DIAPH1: variants seen among roughly 807,000 people sequenced by gnomAD.
The protein encoded by DIAPH1 is protein diaphanous homolog 1.
DIAPH1 carries 46 observed loss-of-function variants against 140.7 expected under a neutral mutation model. The observed-to-expected ratio is 0.33, with a 90% CI of 0.26 to 0.42. The LOEUF (loss-of-function observed/expected upper bound fraction) is 0.42. Ranked by LOEUF, DIAPH1 falls within the 10% of genes least tolerant of loss-of-function variation. The pLI is 1.00. For synonymous variants in DIAPH1, 565 were observed against 551.6 expected, an observed-to-expected ratio of 1.02 and a Z score of -0.34; for missense variants, 1,310 against 1,558.7, an observed-to-expected ratio of 0.84 and a Z score of 2.69.
chr5:141,518,413 G>A (rs981653283), intron 27 of DIAPH1, among the ~76,000 whole-genome samples: 4 of 151,504 alleles, frequency 2.6e-5, no homozygotes, highest in Non-Finnish European at 2.9e-5. Flanking sequence ...TGAAAGAGCC[G>A]AGCACTCCTA....
rs780379887 is a variant in DIAPH1 at position 141,579,162 on chromosome 5, C to T, written c.859G>A (p.Ala287Thr). The change falls in exon 9 of 28, where the codon GCT becomes ACT. Residue 287 changes from alanine to threonine, a missense_variant. By Grantham distance (58) the Ala-to-Thr change is moderately conservative. This residue lies in a region of DIAPH1 where 377 missense variants were observed against 497.1 expected (regional missense o/e 0.76). Transcript: ENST00000389054. ...AAACGTTCCACTTCATCCATCTCAG[C>T]TCTTTCTGTCATTGCCTCCAAAACC... ...ERVLEAMTER[A>T]EMDEVERFQP... The T allele has an allele frequency of 1.9e-6, 3 of 1,614,180 alleles. No individual in the cohort carries two copies. Among genetic ancestry groups the T allele is most frequent in the Middle Eastern group, 1.7e-4 (1 of 6,060 alleles).
chr5:141,579,079 T>C lies in DIAPH1; in HGVS notation c.933+9A>G, dbSNP rs564693939. 5 of 1,602,630 alleles carry C rather than the reference T, an allele frequency of 3.1e-6. No homozygotes were observed. In the African/African-American group the frequency reaches 5.3e-5, roughly 17 times the overall value. Reference sequence around the variant, plus strand: ...TATTCTTGGGCCCAGTTTCAGGGGATATACATGCCTTCAGTGCAATAGTGG... The same window carrying C: ...TATTCTTGGGCCCAGTTTCAGGGGACATACATGCCTTCAGTGCAATAGTGG... On this transcript the variant is annotated intron_variant, in intron 9 of 27. Transcript: ENST00000389054.
intron 18 of DIAPH1, among the ~76,000 whole-genome samples, chr5:141,555,449 T>A (rs2099892413): frequency 6.6e-6 from 1 of 152,206 alleles, no homozygotes; most frequent in Non-Finnish European, 1.5e-5. Context: ...TGCTCCCATT[T>A]GCTGCCTTCC....
intron 18 of DIAPH1, chr5:141,560,563 T>C (rs1024231693): frequency 1.8e-5 from 3 of 163,006 alleles, no homozygotes; most frequent in African/African-American, 7.6e-5. Flanking sequence ...GATAATCCCC[T>C]GTCACAAATC....
In DIAPH1 at chr5:141,567,651, C is replaced by T. The variant is rs147780249; in HGVS notation, c.2482+3777G>A. On this transcript the variant is annotated intron_variant, in intron 18 of 27. Transcript: ENST00000389054. ...AAAACCTTGCTGCTAAAGGTTAAAG[C>T]TGCAGAAGCTACAAAAATTCACTAA... 1.8e-4 allele frequency among the ~76,000 whole-genome samples: 28 copies of T among 152,308 alleles called. 1 individual carries two copies. The East Asian group carries it at 5.0e-3, about 27-fold the overall frequency.
At position 141,565,172 on chromosome 5, in the gene DIAPH1, G is replaced by A. The variant is rs1220262436; in HGVS notation, c.2482+6256C>T. 1.3e-5 allele frequency: 2 copies of A among 152,038 alleles called. No individual in the cohort carries two copies. Among genetic ancestry groups the A allele is most frequent in the Non-Finnish European group, 2.9e-5 (2 of 67,994 alleles). The allele number at this position is 152,038 out of a possible 1,614,324, so 9.4% of individuals were successfully genotyped here. A position where few individuals can be genotyped will look rare whatever the true frequency, so the allele number is the denominator to read the frequency against. ...ACACAAATCTATATGTAAGGACATC[G>A]AGATGCTAAAACACGTTAAGCAAAA... is the stretch of plus-strand genomic sequence containing the variant. On this transcript the variant is annotated intron_variant, in intron 18 of 27. Transcript: ENST00000389054. The surrounding 1 kb of genome is among the most constrained non-coding windows in gnomAD (Gnocchi z 4.3).
At position 141,573,208 on chromosome 5, in the gene DIAPH1, G is replaced by A. The variant is rs537664577; in HGVS notation, c.2358+284C>T. ...TCCCAGCACTTTGGGAGGCCGAGAC[G>A]GGCGGATCACGAGGTCAGGAGATCG... On this transcript the variant is annotated intron_variant, in intron 16 of 27. Coordinates refer to ENST00000389054, the MANE Select transcript of DIAPH1 (RefSeq NM_005219.5). Among the ~76,000 whole-genome samples, 18 of 151,902 alleles carry A rather than the reference G, an allele frequency of 1.2e-4. No homozygotes were observed. The East Asian group carries it at 2.7e-3, about 23-fold the overall frequency.
intron 6 of DIAPH1, 138 bp from the exon 7 acceptor site, chr5:141,582,513 G>T: frequency 1.5e-6 from 1 of 679,448 alleles, no homozygotes; most frequent in Non-Finnish European, 2.7e-6. Flanking sequence ...ACCTTGCCCA[G>T]AACCACTGAA....
chr5:141,542,000 TA>T (rs2099890060), intron 18 of DIAPH1, among the ~76,000 whole-genome samples: 1 of 152,220 alleles, frequency 6.6e-6, no homozygotes, highest in Non-Finnish European at 1.5e-5. Flanking sequence ...CCTTTCATCC[TA>T]TTAAACGGAA....
intron 1 of DIAPH1, among the ~76,000 whole-genome samples, chr5:141,604,255 G>A (rs1001509865): frequency 2.6e-5 from 4 of 152,142 alleles, no homozygotes; most frequent in Non-Finnish European, 5.9e-5. Flanking sequence ...ACATTCTAAG[G>A]TTCCAATACA....
rs368435886 is a variant in DIAPH1 at position 141,576,794 on chromosome 5, T to C, written c.1358A>G (p.Lys453Arg). Reference protein sequence around the residue: ...LHKNGADPDFKCRHLQIEIEG... With the variant: ...LHKNGADPDFRCRHLQIEIEG... Reference sequence around the variant, plus strand: ...AATCTCAATCTGGAGGTGCCGGCACTTGAAGTCAGGATCAGCCCCGTTCTT... The same window carrying C: ...AATCTCAATCTGGAGGTGCCGGCACCTGAAGTCAGGATCAGCCCCGTTCTT... Residue 453 changes from lysine (K) to arginine (R), a missense_variant, in exon 13 of 28, where the codon AAG becomes AGG. Transcript: ENST00000389054. 30 of 1,613,882 alleles carry C rather than the reference T, an allele frequency of 1.9e-5. No individual in the cohort carries two copies. Among genetic ancestry groups the C allele is most frequent in the Non-Finnish European group, 2.5e-5 (29 of 1,179,882 alleles).
chr5:141,573,933 GA>G lies in DIAPH1; in HGVS notation c.1916del (p.Ile639ThrfsTer129). 1 of 1,551,180 alleles carries G rather than the reference GA, an allele frequency of 6.4e-7. No individual in the cohort carries two copies. The highest frequency in any genetic ancestry group is 8.7e-7 in the Non-Finnish European group (1 of 1,147,762). ...SPPSLPGGTAISPPPPLSGDA... is the reference protein window; with the variant it reads ...SPPSLPGGTAXSPPPPLSGDA... ...CCCCAGACAAAGGAGGGGGTGGAGA[GA>G]TAGCAGTACCTCCAGGTAAAGAAGG... is the stretch of plus-strand genomic sequence containing the variant. On this transcript the variant is annotated frameshift_variant, in exon 16 of 28. Transcript: ENST00000389054. LOFTEE classifies it high-confidence loss of function.
Position 141,618,859 on chromosome 5 carries a change from T to C in DIAPH1, c.56A>G (p.Lys19Arg). Reference protein sequence around the residue: ...GPGRGTRDKKKGRSPDELPSA... With the variant: ...GPGRGTRDKKRGRSPDELPSA... The stretch of plus-strand genomic sequence containing the variant: ...GGGCAGCTCATCTGGGCTCCGGCCC[T>C]TCTTCTTGTCCCGGGTCCCGCGGCC... The change falls in exon 1 of 28, where the codon AAG (lysine) becomes AGG (arginine). Residue 19 changes from lysine (K) to arginine (R), a missense_variant. Physicochemically the swap from Lys to Arg is conservative, Grantham distance 26. Transcript: ENST00000389054. The C allele has an allele frequency of 2.0e-6, 3 of 1,533,060 alleles. No homozygotes were observed. The highest frequency in any genetic ancestry group is 2.6e-6 in the Non-Finnish European group (3 of 1,139,568). 95.0% of individuals were successfully genotyped at this position (1,533,060 alleles called of 1,614,324 possible).
intron 18 of DIAPH1, among the ~76,000 whole-genome samples, chr5:141,546,892 G>A (rs572211020): frequency 6.6e-6 from 1 of 152,340 alleles, no homozygotes; most frequent in Non-Finnish European, 1.5e-5. Context: ...AGAGAGGAAA[G>A]TGTGACTTCT....
chr5:141,556,460 G>A (rs965567939), intron 18 of DIAPH1, among the ~76,000 whole-genome samples: 8 of 152,238 alleles, frequency 5.3e-5, no homozygotes, highest in East Asian at 3.9e-4. Flanking sequence ...CATGTTCTCC[G>A]TTGACGGCAG....
At position 141,552,968 on chromosome 5, in the gene DIAPH1, G is replaced by A. The variant is rs527637279; in HGVS notation, c.2482+18460C>T. Among the ~76,000 whole-genome samples, 7 of 152,330 alleles carry A rather than the reference G, an allele frequency of 4.6e-5. No homozygotes were observed. In the South Asian group the frequency reaches 1.4e-3, roughly 32 times the overall value. On this transcript the variant is annotated intron_variant, in intron 18 of 27. Transcript: ENST00000389054. ...GTGGCACTCTCTTACGGCAGCCCTA[G>A]CAAACGAATACACTTCCTATCAAGA...
Position 141,528,831 on chromosome 5 carries a change from T to C in DIAPH1, c.2889A>G (p.Ala963=), listed in dbSNP as rs770304914. The part of the protein sequence containing the change: ...IKPEIVSVTA[A]CEELRKSESF... The stretch of plus-strand genomic sequence containing the variant: ...TCTCACTCTTACGTAACTCCTCACA[T>C]GCAGCAGTGACAGACACAATCTCTG... The change falls in exon 22 of 28, where the codon GCA becomes GCG. Residue 963 remains alanine (A), a synonymous_variant. Coordinates refer to ENST00000389054, the MANE Select transcript of DIAPH1 (RefSeq NM_005219.5). 28 of 1,614,138 alleles carry C rather than the reference T, an allele frequency of 1.7e-5. No homozygotes were observed. The highest frequency in any genetic ancestry group is 3.3e-4 in the Middle Eastern group (2 of 6,084).
At chr5:141,593,811 AG>A (rs1236846088) in intron 1 of DIAPH1, among the ~76,000 whole-genome samples, 3 of 152,192 alleles carry the variant, frequency 2.0e-5, no homozygotes, top group Non-Finnish European at 4.4e-5. Flanking sequence ...ATGTGGAGCA[AG>A]AACTTTCTTT....
intron 18 of DIAPH1, among the ~76,000 whole-genome samples, chr5:141,542,708 G>A (rs2099890193): frequency 6.6e-6 from 1 of 152,186 alleles, no homozygotes; most frequent in African/African-American, 2.4e-5. Flanking sequence ...GGAGGAATGA[G>A]GAGCAACTGC....
Sources: gnomAD v4.1 joint callset for allele counts (sites outside exome capture counted in the v4.1 genomes callset) on GRCh38, gnomAD v4.1.1 for gene constraint, gnomAD v4.1.1 regional missense constraint, Gnocchi (gnomAD v3.1) non-coding constraint, MANE v1.5 for transcripts, NCBI Gene and HGNC (gene_info 2026-07-23, HGNC 2026-07-21) for gene names.